Variants in SLC8B1 observed in about 807,000 individuals in gnomAD.
SLC8B1 encodes solute carrier family 8 member B1.
In SLC8B1, 52 loss-of-function variants were observed where a neutral mutation model predicts 63.4. That is an observed-to-expected ratio of 0.82 (90% confidence interval 0.66 to 1.03). The LOEUF is 1.03. SLC8B1 is among the 50% of genes least tolerant of loss of function. The pLI, the probability that SLC8B1 is intolerant of heterozygous loss-of-function variation, is 0.00. For missense variants in SLC8B1, 657 were observed against 741.7 expected, an observed-to-expected ratio of 0.89 and a Z score of 1.33; for synonymous variants, 336 against 323.9, an observed-to-expected ratio of 1.04 and a Z score of -0.40.
chr12:113,304,467 C>T, intron 14 of SLC8B1, 82 bp from the exon 15 acceptor site: 2 of 1,326,128 alleles, frequency 1.5e-6, no homozygotes, highest in Non-Finnish European at 2.1e-6. Context: ...CTGTGTTCAT[C>T]CCCAGGGCTT....
chr12:113,333,149 T>C (rs1207822433), intron 1 of SLC8B1, among the ~76,000 whole-genome samples, 189 bp from the exon 2 acceptor site: 1 of 152,176 alleles, frequency 6.6e-6, no homozygotes, highest in Non-Finnish European at 1.5e-5. Context: ...AGCGTGCAGA[T>C]CAGATACGCC....
In SLC8B1 at chr12:113,318,414, TTGTA is replaced by T. The variant is rs531988408; in HGVS notation, c.802+546_802+549del. Among the ~76,000 whole-genome samples, 581 of 151,694 alleles carry T rather than the reference TTGTA, an allele frequency of 3.8e-3. 7 individuals carry two copies. The highest frequency in any genetic ancestry group is 0.013 in the African/African-American group (541 of 41,152). ...CATGTATTTGTGTGTGTGCATATATTTGTATGTGTGTTGTGTGTATACACGTATG... is the reference window on the plus strand; with the variant it reads ...CATGTATTTGTGTGTGTGCATATATTTGTGTGTTGTGTGTATACACGTATG... On this transcript the variant is annotated intron_variant, in intron 8 of 15. Transcript: ENST00000680972.
chr12:113,317,289 T>G (rs2136846259), intron 8 of SLC8B1, among the ~76,000 whole-genome samples: 1 of 152,242 alleles, frequency 6.6e-6, no homozygotes, highest in Non-Finnish European at 1.5e-5. Flanking sequence ...GGGGTCTTGC[T>G]ATGTTGGCCT....
At position 113,320,966 on chromosome 12, in the gene SLC8B1, C is replaced by T. The variant is rs1015951397; in HGVS notation, c.363-59G>A. On this transcript the variant is annotated intron_variant, in intron 4 of 15. Transcript: ENST00000680972. The surrounding 1 kb of genome is among the most constrained non-coding windows in gnomAD (Gnocchi z 5.3). ...TAGTAACCGGCCCCGGACCCCTATC[C>T]TTCCCCCAAACTGAGGGTGACCGAA... 1 of 1,590,288 alleles carries T rather than the reference C, an allele frequency of 6.3e-7. No homozygotes were observed. The highest frequency in any genetic ancestry group is 1.3e-5 in the African/African-American group (1 of 74,788).
At chr12:113,310,508 C>T (rs1956742957) in intron 11 of SLC8B1, among the ~76,000 whole-genome samples, 153 bp from the exon 12 acceptor site, 2 of 152,164 alleles carry the variant, frequency 1.3e-5, no homozygotes, top group Admixed American at 1.3e-4. Context: ...CAGCCCCTGC[C>T]CTCAAGTTAG....
rs200072685 is a variant in SLC8B1, at chr12:113,318,917, C to A, written c.802+47G>T. 1.5e-5 allele frequency: 22 copies of A among 1,478,632 alleles called. 1 individual carries two copies. In the East Asian group the frequency reaches 3.2e-4, roughly 21 times the overall value. The allele number at this position is 1,478,632 out of a possible 1,614,324, so 91.6% of individuals were successfully genotyped here. On this transcript the variant is annotated intron_variant, in intron 8 of 15. Coordinates refer to ENST00000680972, the MANE Select transcript of SLC8B1 (RefSeq NM_001358345.2). ...TGGGCAGCACTGAAGGGCACAGAGG[C>A]CCCCAGTCCCCACTGGTCCTCTCTG...
intron 8 of SLC8B1, among the ~76,000 whole-genome samples, chr12:113,317,396 G>C (rs961358511): frequency 5.3e-5 from 8 of 152,194 alleles, no homozygotes; most frequent in African/African-American, 1.9e-4. Context: ...GCCACGTCCA[G>C]GCTGTCTTTA....
intron 13 of SLC8B1, 32 bp downstream of exon 13, chr12:113,307,659 C>CCCCCACTCAA (rs751949185): frequency 1.2e-6 from 2 of 1,603,154 alleles, no homozygotes; most frequent in East Asian, 2.2e-5. Context: ...GCCGCACTCA[C>CCCCCACTCAA]CCCCACTCAA....
In SLC8B1 at chr12:113,320,758, G is replaced by A. The variant is rs1320346867; in HGVS notation, c.421-72C>T. 8.9e-6 allele frequency: 14 copies of A among 1,579,736 alleles called. No homozygotes were observed. Among genetic ancestry groups the A allele is most frequent in the Non-Finnish European group, 1.2e-5 (14 of 1,162,268 alleles). On this transcript the variant is annotated intron_variant, in intron 5 of 15. Transcript: ENST00000680972. This position sits in a 1 kb window ranked among gnomAD's most constrained non-coding sequence, Gnocchi z 5.3. ...CCCAGGCCTTCGACCCTATCCCCCA[G>A]CTTCCCCACACGGGGATAGACATGA...
In SLC8B1 at chr12:113,316,706, C is replaced by T. The variant is rs775561138; in HGVS notation, c.863-50G>A. On this transcript the variant is annotated intron_variant, in intron 9 of 15. Transcript: ENST00000680972. ...GGTGTGCCTGCGGCTGACTTGCTCT[C>T]CAGGAAACCTTCCCCGCTCCATCCC... is the stretch of plus-strand genomic sequence containing the variant. 6.9e-6 allele frequency: 11 copies of T among 1,601,956 alleles called. No homozygotes were observed. The African/African-American group carries it at 1.5e-4, about 21-fold the overall frequency.
At chr12:113,319,707 T>C (rs988194062) in intron 7 of SLC8B1, among the ~76,000 whole-genome samples, 1 of 152,188 alleles carries the variant, frequency 6.6e-6, no homozygotes, top group Non-Finnish European at 1.5e-5. Context: ...CCTTGAGCCG[T>C]CTGAATGGAA....
At chr12:113,319,596 G>A (rs1343638504) in intron 7 of SLC8B1, among the ~76,000 whole-genome samples, 2 of 151,976 alleles carry the variant, frequency 1.3e-5, no homozygotes, top group South Asian at 2.1e-4. Context: ...GGATGAGTGC[G>A]TTCGCAGCTC....
In SLC8B1 at chr12:113,316,662, T is replaced by C. The variant is rs1239597167; in HGVS notation, c.863-6A>G. 4 of 1,612,922 alleles carry C rather than the reference T, an allele frequency of 2.5e-6. No individual in the cohort carries two copies. Among genetic ancestry groups the C allele is most frequent in the Non-Finnish European group, 3.4e-6 (4 of 1,179,834 alleles). On this transcript the variant is annotated splice_region_variant and splice_polypyrimidine_tract_variant and intron_variant, in intron 9 of 15. Transcript: ENST00000680972. ...CAGCGGCCGGTACTCATCACCTGTGTGCAGGGGTCGGGTGGTGAGGTGTGC... is the reference window on the plus strand; with the variant it reads ...CAGCGGCCGGTACTCATCACCTGTGCGCAGGGGTCGGGTGGTGAGGTGTGC...
Position 113,318,955 on chromosome 12 carries a change from G to C in SLC8B1, c.802+9C>G. 3 of 1,611,970 alleles carry C rather than the reference G, an allele frequency of 1.9e-6. No individual in the cohort carries two copies. The highest frequency in any genetic ancestry group is 2.5e-6 in the Non-Finnish European group (3 of 1,178,124). On this transcript the variant is annotated intron_variant, in intron 8 of 15. Coordinates refer to ENST00000680972, the MANE Select transcript of SLC8B1 (RefSeq NM_001358345.2). ...CTGGTCCTCTCTGGGGTCCGATGCA[G>C]ACTCTTACCTGGAGTAACTGGCATG...
intron 13 of SLC8B1, among the ~76,000 whole-genome samples, chr12:113,307,398 G>A (rs1045455826): frequency 2.0e-5 from 3 of 152,066 alleles, no homozygotes; most frequent in Non-Finnish European, 2.9e-5. Context: ...TACACATCAA[G>A]CACGGCCGGC....
In SLC8B1 at chr12:113,321,122, G is replaced by T. The variant is rs760685880; in HGVS notation, c.310-14C>A. 6.2e-7 allele frequency: 1 copy of T among 1,613,942 alleles called. No individual in the cohort carries two copies. The highest frequency in any genetic ancestry group is 1.1e-5 in the South Asian group (1 of 91,070). Reference sequence around the variant, plus strand: ...CAGCCAGGAAACCTGGGTGGGGAGCGGGCGAGGAAGGGAGAGTCAAGTCCA... The same window carrying T: ...CAGCCAGGAAACCTGGGTGGGGAGCTGGCGAGGAAGGGAGAGTCAAGTCCA... On this transcript the variant is annotated splice_polypyrimidine_tract_variant and intron_variant, in intron 3 of 15. Coordinates refer to ENST00000680972, the MANE Select transcript of SLC8B1 (RefSeq NM_001358345.2).
chr12:113,316,405 T>G, intron 10 of SLC8B1, 121 bp downstream of exon 10: 1 of 1,281,866 alleles, frequency 7.8e-7, no homozygotes, highest in Non-Finnish European at 1.1e-6. Flanking sequence ...TCACAAGTCA[T>G]GTATTCTGAG....
At position 113,316,939 on chromosome 12, in the gene SLC8B1, C is replaced by T; in HGVS notation, c.862+3G>A. The T allele has an allele frequency of 3.1e-6, 5 of 1,613,310 alleles. No homozygotes were observed. Among genetic ancestry groups the T allele is most frequent in the Non-Finnish European group, 4.2e-6 (5 of 1,179,724 alleles). The stretch of plus-strand genomic sequence containing the variant: ...CCTGGCTGGGCACAGGGCACGGACT[C>T]ACCGTAGTCATAGCTGTTGGTATTA... On this transcript the variant is annotated splice_donor_region_variant and intron_variant, in intron 9 of 15. Coordinates refer to ENST00000680972, the MANE Select transcript of SLC8B1 (RefSeq NM_001358345.2).
At chr12:113,319,099 A>G (rs1404742807) in intron 7 of SLC8B1, 28 bp from the exon 8 acceptor site, 1 of 1,550,536 alleles carries the variant, frequency 6.4e-7, no homozygotes, top group African/African-American at 1.4e-5. Context: ...GCCGTCACCA[A>G]GTGGTGTCCT....
Sources: allele counts gnomAD v4.1 joint callset (sites outside exome capture counted in the v4.1 genomes callset), GRCh38; gene constraint gnomAD v4.1.1; non-coding constraint Gnocchi (gnomAD v3.1); transcripts MANE v1.5; gene names NCBI Gene and HGNC (gene_info 2026-07-23, HGNC 2026-07-21).